The following TMED9 variants were observed in gnomAD, a reference collection of about 807,000 sequenced individuals.
The protein encoded by TMED9 is transmembrane p24 trafficking protein 9, also known as transmembrane emp24 domain-containing protein 9.
TMED9 carries 22 observed loss-of-function variants against 30.6 expected under a neutral mutation model. The ratio of observed to expected loss-of-function variants is 0.72; its 90% CI spans 0.51 to 1.03. The LOEUF is 1.03. Ranked by LOEUF, TMED9 falls within the 50% of genes least tolerant of loss-of-function variation. The pLI, the probability that TMED9 is intolerant of heterozygous loss-of-function variation, is 0.00. For synonymous variants in TMED9, 146 were observed against 122.8 expected, an observed-to-expected ratio of 1.19 and a Z score of -1.25; for missense variants, 251 against 302.1, an observed-to-expected ratio of 0.83 and a Z score of 1.25.
chr5:177,592,697 T>A, intron 2 of TMED9, 22 bp downstream of exon 2: 1 of 1,546,536 alleles, frequency 6.5e-7, no homozygotes, highest in Non-Finnish European at 8.8e-7. Flanking sequence ...GCCCCCCTCC[T>A]CTCCGCCAGC....
intron 1 of TMED9, 72 bp downstream of exon 1, chr5:177,592,470 C>T (rs945121526): frequency 6.4e-7 from 1 of 1,554,008 alleles, no homozygotes; most frequent in African/African-American, 1.4e-5. Context: ...GCGAGACAGT[C>T]AGCTCTCTAG....
In TMED9 at chr5:177,592,256, C is replaced by G. The variant is rs1767596073; in HGVS notation, c.42C>G (p.Pro14=). The G allele has an allele frequency of 6.2e-7, 1 of 1,611,422 alleles. No individual in the cohort carries two copies. Among genetic ancestry groups the G allele is most frequent in the Non-Finnish European group, 8.5e-7 (1 of 1,179,068 alleles). The change falls in exon 1 of 5, where the codon CCC becomes CCG. Residue 14 remains proline (P), a synonymous_variant. Coordinates refer to ENST00000332598, the MANE Select transcript of TMED9 (RefSeq NM_017510.6). ...ELGVLLVRPR[P]GTGLGRVMRT... ...GCGTGCTGCTCGTCCGGCCCCGGCC[C>G]GGAACCGGGCTGGGTAGAGTGATGC... is the stretch of plus-strand genomic sequence containing the variant.
At position 177,596,418 on chromosome 5, in the gene TMED9, C is replaced by G. The variant is rs999416255; in HGVS notation, c.*1002C>G. Among the ~76,000 whole-genome samples the G allele has an allele frequency of 6.6e-6, 1 of 152,118 alleles. No individual in the cohort carries two copies. The highest frequency in any genetic ancestry group is 1.5e-5 in the Non-Finnish European group (1 of 68,024). On this transcript the variant is annotated 3_prime_UTR_variant, in exon 5 of 5. Transcript: ENST00000332598. ...TTGTCATGGATGCTGCCAGGAAGTG[C>G]CTGGTAAGGAGGTGCATTGAGCAGG...
At chr5:177,593,836 G>A in intron 3 of TMED9, 61 bp downstream of exon 3, 1 of 1,599,802 alleles carries the variant, frequency 6.3e-7, no homozygotes, top group Non-Finnish European at 8.5e-7. Flanking sequence ...AGGACTGGGG[G>A]ACTGGTGGTG....
intron 1 of TMED9, 37 bp from the exon 2 acceptor site, chr5:177,592,538 C>A: frequency 6.3e-7 from 1 of 1,589,224 alleles, no homozygotes; most frequent in Non-Finnish European, 8.6e-7. Context: ...TGCCACCTCG[C>A]GCTCCTCTGA....
Position 177,592,688 on chromosome 5 carries a change from C to T in TMED9, c.285+13C>T, listed in dbSNP as rs777165626. 1.9e-6 allele frequency: 3 copies of T among 1,559,020 alleles called. No individual in the cohort carries two copies. The highest frequency in any genetic ancestry group is 2.4e-5 in the East Asian group (1 of 42,528). ...CCCAGAGGACAAGGTGAGCCAACCG[C>T]CCCCCTCCTCTCCGCCAGCCTCTCA... On this transcript the variant is annotated intron_variant, in intron 2 of 4. Coordinates refer to ENST00000332598, the MANE Select transcript of TMED9 (RefSeq NM_017510.6).
At chr5:177,592,816 C>T in intron 2 of TMED9, 141 bp downstream of exon 2, 2 of 646,006 alleles carry the variant, frequency 3.1e-6, no homozygotes, top group Non-Finnish European at 5.5e-6. Context: ...AGACCCCGCC[C>T]GGTCTGTGAA....
In TMED9 at chr5:177,595,947, A is replaced by T. The variant is rs1310015789; in HGVS notation, c.*531A>T. 1 of 152,894 alleles carries T rather than the reference A, an allele frequency of 6.5e-6. No individual in the cohort carries two copies. The highest frequency in any genetic ancestry group is 2.4e-5 in the African/African-American group (1 of 41,424). 9.5% of individuals were successfully genotyped at this position (152,894 alleles called of 1,614,324 possible). A position where few individuals can be genotyped will look rare whatever the true frequency, so the allele number is the denominator to read the frequency against. On this transcript the variant is annotated 3_prime_UTR_variant, in exon 5 of 5. Transcript: ENST00000332598. Reference sequence around the variant, plus strand: ...GGAATGTGGCCCTGCAGTTGACCTGAGCTGCTTCACATGGTTGTCCATTCT... The same window carrying T: ...GGAATGTGGCCCTGCAGTTGACCTGTGCTGCTTCACATGGTTGTCCATTCT...
chr5:177,592,415 G>A lies in TMED9; in HGVS notation c.184+17G>A. ...TGGTCATAGGTGCGGGGGCGGGGAGGAAGGGGCGAGTTTGGAACGTGACCG... is the reference window on the plus strand; with the variant it reads ...TGGTCATAGGTGCGGGGGCGGGGAGAAAGGGGCGAGTTTGGAACGTGACCG... On this transcript the variant is annotated intron_variant, in intron 1 of 4. Transcript: ENST00000332598. 1 of 1,583,814 alleles carries A rather than the reference G, an allele frequency of 6.3e-7. No homozygotes were observed. Among genetic ancestry groups the A allele is most frequent in the Non-Finnish European group, 8.6e-7 (1 of 1,164,452 alleles).
intron 2 of TMED9, chr5:177,593,344 G>C: frequency 7.7e-6 from 2 of 258,624 alleles, no homozygotes; most frequent in South Asian, 1.7e-4. Flanking sequence ...AAACAAAAAA[G>C]AACCCCCCAA....
chr5:177,597,135 G>T lies in TMED9; in HGVS notation c.*1719G>T, dbSNP rs1767705117. Among the ~76,000 whole-genome samples, 1 of 152,070 alleles carries T rather than the reference G, an allele frequency of 6.6e-6. No homozygotes were observed. Among genetic ancestry groups the T allele is most frequent in the African/African-American group, 2.4e-5 (1 of 41,392 alleles). ...ATGAAAAAAAAAAGTTTTTTGGCGG[G>T]CACGGTGGTTCACACCTGTAATCCC... is the stretch of plus-strand genomic sequence containing the variant. On this transcript the variant is annotated 3_prime_UTR_variant, in exon 5 of 5. Coordinates refer to ENST00000332598, the MANE Select transcript of TMED9 (RefSeq NM_017510.6).
At chr5:177,593,155 C>CAAAAAAAAAAAAAAA (rs56909658) in intron 2 of TMED9, 1 of 95,726 alleles carries the variant, frequency 1.0e-5, no homozygotes. Context: ...AGTAAAAATA[C>CAAAAAAAAAAAAAAA]AAAAAAAAAA....
At position 177,595,311 on chromosome 5, in the gene TMED9, G is replaced by A. The variant is rs569623224; in HGVS notation, c.603G>A (p.Gln201=). The A allele has an allele frequency of 3.2e-5, 52 of 1,609,276 alleles. 1 individual carries two copies. In the South Asian group the frequency reaches 5.7e-4, roughly 18 times the overall value. Residue 201 remains glutamine, a synonymous_variant, in exon 5 of 5, where the codon CAG becomes CAA. Transcript: ENST00000332598. ...GGCAGACCAGTGAGAGCACCAACCA[G>A]CGGGTGCTGTGGTGGTCCATTCTGC... ...RFRQTSESTN[Q]RVLWWSILQT...
Position 177,595,067 on chromosome 5 carries a change from T to C in TMED9, c.559-200T>C, listed in dbSNP as rs564629621. 2.6e-5 allele frequency among the ~76,000 whole-genome samples: 4 copies of C among 152,352 alleles called. No individual in the cohort carries two copies. In the East Asian group the frequency reaches 7.7e-4, roughly 29 times the overall value. On this transcript the variant is annotated intron_variant, in intron 4 of 4. Coordinates refer to ENST00000332598, the MANE Select transcript of TMED9 (RefSeq NM_017510.6). ...CCAGGGCAGGACTAGGTGAGGGCTATGCCTGACAGATGAAGAAACAGACTT... is the reference window on the plus strand; with the variant it reads ...CCAGGGCAGGACTAGGTGAGGGCTACGCCTGACAGATGAAGAAACAGACTT...
intron 2 of TMED9, chr5:177,593,209 C>G (rs1322221457): frequency 6.1e-6 from 1 of 164,092 alleles, no homozygotes; most frequent in African/African-American, 2.4e-5. Flanking sequence ...ACCTCTAATA[C>G]CAGATACTTG....
rs1381763678 is a variant in TMED9 at position 177,593,683 on chromosome 5, A to C, written c.319A>C (p.Arg107=). ...GGCCCGGCAGTATGGCTCCGAGGGCAGGTTCACTTTCACTTCCCATACCCC... is the reference window on the plus strand; with the variant it reads ...GGCCCGGCAGTATGGCTCCGAGGGCCGGTTCACTTTCACTTCCCATACCCC... The part of the protein sequence containing the change: ...ILARQYGSEG[R]FTFTSHTPGE... The change falls in exon 3 of 5, where the codon AGG becomes CGG. Residue 107 remains arginine (R), a synonymous_variant. Transcript: ENST00000332598. The C allele has an allele frequency of 2.5e-6, 4 of 1,614,174 alleles. No individual in the cohort carries two copies. The highest frequency in any genetic ancestry group is 2.2e-5 in the East Asian group (1 of 44,884).
rs995581699 is a variant in TMED9 at position 177,596,049 on chromosome 5, C to G, written c.*633C>G. ...GGTGGGGCCTGCAGAGTCTTAGTTA[C>G]TGATTTCATTTTCAATAAATGTAGG... On this transcript the variant is annotated 3_prime_UTR_variant, in exon 5 of 5. Transcript: ENST00000332598. The G allele has an allele frequency of 6.6e-6, 1 of 152,514 alleles. No individual in the cohort carries two copies. Among genetic ancestry groups the G allele is most frequent in the Non-Finnish European group, 1.5e-5 (1 of 68,042 alleles). The allele number at this position is 152,514 out of a possible 1,614,324, so 9.4% of individuals were successfully genotyped here.
Position 177,592,685 on chromosome 5 carries a change from C to A in TMED9, c.285+10C>A, listed in dbSNP as rs528455163. The A allele has an allele frequency of 1.0e-5, 16 of 1,558,844 alleles. No homozygotes were observed. In the East Asian group the frequency reaches 2.8e-4, roughly 28 times the overall value. ...GGACCCAGAGGACAAGGTGAGCCAA[C>A]CGCCCCCCTCCTCTCCGCCAGCCTC... On this transcript the variant is annotated intron_variant, in intron 2 of 4. Coordinates refer to ENST00000332598, the MANE Select transcript of TMED9 (RefSeq NM_017510.6).
intron 2 of TMED9, 71 bp from the exon 3 acceptor site, chr5:177,593,579 G>A (rs1767630846): frequency 8.2e-6 from 13 of 1,592,972 alleles, no homozygotes; most frequent in Non-Finnish European, 1.1e-5. Context: ...AGTACTTAGA[G>A]CCTTAAGCAC....
Sources: allele counts gnomAD v4.1 joint callset (sites outside exome capture counted in the v4.1 genomes callset), GRCh38; gene constraint gnomAD v4.1.1; transcripts MANE v1.5; gene names NCBI Gene and HGNC (gene_info 2026-07-23, HGNC 2026-07-21).